PDE4D: variants seen among roughly 807,000 people sequenced by gnomAD.
PDE4D encodes 3',5'-cyclic-AMP phosphodiesterase 4D.
Under a neutral mutation model 87.4 loss-of-function variants are expected in PDE4D, and 24 were observed. That is an observed-to-expected ratio of 0.27 (90% CI 0.20 to 0.39). The LOEUF (loss-of-function observed/expected upper bound fraction) is 0.39, where lower values mean the gene tolerates loss of function less well. Ranked by LOEUF, PDE4D falls within the 10% of genes least tolerant of loss-of-function variation. The pLI, the probability that PDE4D is intolerant of heterozygous loss-of-function variation, is 1.00. For missense variants in PDE4D, 714 were observed against 1,041.0 expected (o/e 0.69, Z 4.32); for synonymous variants, 384 against 383.2 (o/e 1.00, Z -0.02).
In PDE4D at chr5:59,310,222, T is replaced by G. The variant is rs369352474; in HGVS notation, c.456-94254A>C. Among the ~76,000 whole-genome samples, 20 of 152,202 alleles carry G rather than the reference T, an allele frequency of 1.3e-4. No individual in the cohort carries two copies. In the East Asian group the frequency reaches 2.5e-3, roughly 19 times the overall value. ...TTAACCAAAGTGGACTTTTCCCCAA[T>G]AAGTCTACACCCTATTATGCTTCCT... On this transcript the variant is annotated intron_variant, in intron 1 of 14. Coordinates refer to ENST00000340635, the MANE Select transcript of PDE4D (RefSeq NM_001104631.2).
chr5:59,479,019 T>C (rs1244063616), intron 1 of PDE4D, among the ~76,000 whole-genome samples: 1 of 152,110 alleles, frequency 6.6e-6, no homozygotes, highest in Admixed American at 6.6e-5. Context: ...CTGTTGCTTT[T>C]GGGTGATACA....
intron 6 of PDE4D, among the ~76,000 whole-genome samples, chr5:59,005,652 T>C (rs1466907741): frequency 6.6e-6 from 1 of 152,200 alleles, no homozygotes; most frequent in Non-Finnish European, 1.5e-5. Context: ...AGTTACAACA[T>C]TTACTAGGCA....
intron 6 of PDE4D, among the ~76,000 whole-genome samples, chr5:59,014,192 A>C (rs1009311782): frequency 3.9e-5 from 6 of 152,172 alleles, no homozygotes; most frequent in Non-Finnish European, 5.9e-5. Context: ...CCAATATCAT[A>C]CTGAATGGGC....
At chr5:59,293,239 T>C (rs373603676) in intron 1 of PDE4D, among the ~76,000 whole-genome samples, 4 of 152,192 alleles carry the variant, frequency 2.6e-5, no homozygotes, top group African/African-American at 4.8e-5. Context: ...TACAGTTATT[T>C]AAATGATTCT....
intron 1 of PDE4D, among the ~76,000 whole-genome samples, chr5:59,425,625 C>T (rs888238223): frequency 1.3e-4 from 20 of 152,202 alleles, no homozygotes; most frequent in South Asian, 6.2e-4. Flanking sequence ...GTCTAGGCCA[C>T]GTTTGAATGA....
intron 5 of PDE4D, among the ~76,000 whole-genome samples, chr5:59,131,592 T>C (rs967266692): frequency 2.2e-5 from 2 of 92,432 alleles, no homozygotes; most frequent in Non-Finnish European, 4.5e-5. Context: ...ATAAGGCCAA[T>C]TTAAAACACA....
At position 60,385,038 on chromosome 5, in the gene PDE4D, T is replaced by C. The variant is rs148804189; in HGVS notation, c.-90+102904A>G. On this transcript the variant is annotated intron_variant, in intron 1 of 16. Coordinates refer to the PDE4D transcript ENST00000502484. ...TTGCAACGAACTGTGCTTTCTAAAT[T>C]GAACCAGAGTCTTCCACTCTCTCTT... Among the ~76,000 whole-genome samples, 10 of 152,308 alleles carry C rather than the reference T, an allele frequency of 6.6e-5. No homozygotes were observed. In the East Asian group the frequency reaches 1.9e-3, roughly 29 times the overall value.
At chr5:59,771,457 GAAAGAAAGAAAGAAAGAAAGAAAGAA>G (rs1763458197) in intron 1 of PDE4D, among the ~76,000 whole-genome samples, 1 of 68,740 alleles carries the variant, frequency 1.5e-5, no homozygotes, top group African/African-American at 6.8e-5. Context: ...AAGAAAGAAA[GAAAGAAAGAAAGAAAGAAAGAAAGAA>G]AGAGAGAGAG....
chr5:59,591,002 C>G (rs1825848140), intron 1 of PDE4D, among the ~76,000 whole-genome samples: 1 of 152,036 alleles, frequency 6.6e-6, no homozygotes, highest in African/African-American at 2.4e-5. Context: ...TTTCTGGGAA[C>G]CCTATGGTTT....
chr5:59,914,788 CTGGCT>C (rs1753839389), intron 3 of PDE4D, among the ~76,000 whole-genome samples: 2 of 148,824 alleles, frequency 1.3e-5, no homozygotes, highest in South Asian at 4.2e-4. Flanking sequence ...AGAAAGATAA[CTGGCT>C]TGGCCCGGCG....
chr5:59,568,034 A>G (rs534410934), intron 1 of PDE4D, among the ~76,000 whole-genome samples: 4 of 152,302 alleles, frequency 2.6e-5, no homozygotes, highest in African/African-American at 9.6e-5. Flanking sequence ...GGTTTTTAAT[A>G]CCATTTTCCA....
chr5:59,617,425 C>A (rs138063862), intron 1 of PDE4D, among the ~76,000 whole-genome samples: 2 of 152,150 alleles, frequency 1.3e-5, no homozygotes, highest in African/African-American at 4.8e-5. Flanking sequence ...CACTTTATTG[C>A]GTCTCCCCCA....
intron 4 of PDE4D, among the ~76,000 whole-genome samples, chr5:59,184,630 T>G (rs1742470081): frequency 6.6e-6 from 1 of 152,184 alleles, no homozygotes; most frequent in Admixed American, 6.6e-5. Context: ...TACTTTTATC[T>G]TTTTAGATTT....
chr5:59,951,473 G>A (rs1051985089), intron 3 of PDE4D, among the ~76,000 whole-genome samples: 2 of 152,102 alleles, frequency 1.3e-5, no homozygotes, highest in Admixed American at 6.6e-5. Flanking sequence ...TAAAAAGTTT[G>A]GAAGGATATA....
intron 1 of PDE4D, among the ~76,000 whole-genome samples, chr5:59,340,494 G>A (rs974805674): frequency 5.9e-5 from 9 of 151,888 alleles, no homozygotes; most frequent in African/African-American, 2.2e-4. Context: ...GGGTAAATGA[G>A]GTATCCATCA....
rs1819089766 is a variant in PDE4D, at chr5:59,557,173, T to C, written c.455+335995A>G. ...CAAGAGTAAACATATGCCATAAGGA[T>C]TTTTGCTAAATCTAGTCTTAAAATA... On this transcript the variant is annotated intron_variant, in intron 1 of 14. Transcript: ENST00000340635. Among the ~76,000 whole-genome samples, 2 of 152,172 alleles carry C rather than the reference T, an allele frequency of 1.3e-5. 1 individual carries two copies. The highest frequency in any genetic ancestry group is 4.8e-5 in the African/African-American group (2 of 41,446).
intron 1 of PDE4D, among the ~76,000 whole-genome samples, chr5:59,428,357 G>T (rs1290417734): frequency 6.6e-6 from 1 of 151,196 alleles, no homozygotes; most frequent in South Asian, 2.1e-4. Context: ...TGCTTCTTTG[G>T]GTAGGCTGAA....
At chr5:60,355,181 A>T (rs961324478) in intron 1 of PDE4D, among the ~76,000 whole-genome samples, 13 of 152,206 alleles carry the variant, frequency 8.5e-5, no homozygotes, top group Non-Finnish European at 1.6e-4. Flanking sequence ...AAAAGTAAAA[A>T]CAAGTCAAGG....
chr5:59,514,485 CA>C (rs1257007996), intron 1 of PDE4D, among the ~76,000 whole-genome samples: 1 of 152,126 alleles, frequency 6.6e-6, no homozygotes, highest in African/African-American at 2.4e-5. Flanking sequence ...CTAGGGGCCC[CA>C]CTTTTCTCAG....
Sources: allele counts gnomAD v4.1 joint callset (sites outside exome capture counted in the v4.1 genomes callset), GRCh38; gene constraint gnomAD v4.1.1; transcripts MANE v1.5; gene names NCBI Gene and HGNC (gene_info 2026-07-23, HGNC 2026-07-21).